NCCRP1: variants seen among roughly 807,000 people sequenced by gnomAD.
The protein encoded by NCCRP1 is F-box only protein 50.
In NCCRP1, 32 loss-of-function variants were observed where a neutral mutation model predicts 34.4. The ratio of observed to expected loss-of-function variants is 0.93; its 90% CI spans 0.70 to 1.25. NCCRP1 has a LOEUF of 1.25. Among genes scored for constraint, NCCRP1 ranks in the 50% most tolerant of loss-of-function variants. The pLI is 0.00. For synonymous variants in NCCRP1, 172 were observed against 180.1 expected, an observed-to-expected ratio of 0.95 and a Z score of 0.36; for missense variants, 372 against 391.8, an observed-to-expected ratio of 0.95 and a Z score of 0.43.
Position 39,197,281 on chromosome 19 carries a change from C to A in NCCRP1, c.299C>A (p.Pro100Gln). The change falls in exon 1 of 6, where the codon CCG becomes CAG. Residue 100 changes from proline to glutamine, a missense_variant. Coordinates refer to ENST00000339852, the MANE Select transcript of NCCRP1 (RefSeq NM_001001414.2). ...LTWKLLLLRRPLYRNLLRSPN... is the reference protein window; with the variant it reads ...LTWKLLLLRRQLYRNLLRSPN... The stretch of plus-strand genomic sequence containing the variant: ...TGGAAGCTGCTCCTGTTGCGGCGGC[C>A]GCTCTACCGCAACCTGCTGCGCTCG... 3 of 1,491,408 alleles carry A rather than the reference C, an allele frequency of 2.0e-6. No homozygotes were observed. Among genetic ancestry groups the A allele is most frequent in the South Asian group, 2.6e-5 (2 of 77,460 alleles). 92.4% of individuals were successfully genotyped at this position (1,491,408 alleles called of 1,614,324 possible).
At chr19:39,197,628 A>C (rs112726364) in intron 1 of NCCRP1, among the ~76,000 whole-genome samples, 24 of 152,070 alleles carry the variant, frequency 1.6e-4, no homozygotes, top group Admixed American at 1.4e-3. Context: ...CCAGGCTGGA[A>C]TGCAGTGGTG....
intron 4 of NCCRP1, 147 bp downstream of exon 4, chr19:39,199,412 C>G: frequency 1.6e-6 from 1 of 625,862 alleles, no homozygotes; most frequent in South Asian, 2.1e-5. Context: ...CTCCCTGGCC[C>G]CTTCTGTTTG....
intron 2 of NCCRP1, 34 bp from the exon 3 acceptor site, chr19:39,198,168 G>C (rs768293439): frequency 1.2e-6 from 2 of 1,614,034 alleles, no homozygotes; most frequent in Non-Finnish European, 1.7e-6. Context: ...CTCCAGCGTT[G>C]GGGTGTCCTA....
rs2074764898 is a variant in NCCRP1 at position 39,197,079 on chromosome 19, TCAC to T, written c.99_101del (p.Pro36del). ...GCTGCCTCCCTCGCCACGGTCGCCT[TCAC>T]CGCCGCCGTCGCCGCCACCACTGCC... On this transcript the variant is annotated inframe_deletion, in exon 1 of 6. Transcript: ENST00000339852. 2.6e-6 allele frequency: 4 copies of T among 1,529,438 alleles called. No individual in the cohort carries two copies. In the African/African-American group the frequency reaches 4.2e-5, roughly 16 times the overall value. 94.7% of individuals were successfully genotyped at this position (1,529,438 alleles called of 1,614,324 possible).
rs751499397 is a variant in NCCRP1, at chr19:39,200,338, G to A, written c.549-8G>A. The A allele has an allele frequency of 1.5e-4, 238 of 1,612,738 alleles. No homozygotes were observed. Among genetic ancestry groups the A allele is most frequent in the Non-Finnish European group, 1.8e-4 (218 of 1,179,866 alleles). ...AGTGACAGCTGAAGGCCTTGACTCCGCCTGCAGGTTCGAGGACAGCCGGCT... is the reference window on the plus strand; with the variant it reads ...AGTGACAGCTGAAGGCCTTGACTCCACCTGCAGGTTCGAGGACAGCCGGCT... On this transcript the variant is annotated splice_polypyrimidine_tract_variant and splice_region_variant and intron_variant, in intron 4 of 5. Transcript: ENST00000339852. The surrounding 1 kb of genome is among the most constrained non-coding windows in gnomAD (Gnocchi z 5.8).
In NCCRP1 at chr19:39,198,218, G is replaced by C; in HGVS notation, c.417G>C (p.Trp139Cys). Residue 139 changes from tryptophan to cysteine, a missense_variant, in exon 3 of 6, where the codon TGG (tryptophan) becomes TGC (cysteine). By Grantham distance (215) the Trp-to-Cys change is radical (BLOSUM62 -2). Coordinates refer to ENST00000339852, the MANE Select transcript of NCCRP1 (RefSeq NM_001001414.2). ...PLETLGNFRG[W>C]YIRTEKLQQN... ...AACCTGCAGGCAATTTCCGTGGCTG[G>C]TACATTAGAACTGAAAAGCTCCAGC... is the stretch of plus-strand genomic sequence containing the variant. 1 of 1,614,134 alleles carries C rather than the reference G, an allele frequency of 6.2e-7. No homozygotes were observed. The highest frequency in any genetic ancestry group is 8.5e-7 in the Non-Finnish European group (1 of 1,180,026).
At chr19:39,197,826 TGG>T (rs879519042) in intron 1 of NCCRP1, among the ~76,000 whole-genome samples, 5 of 152,140 alleles carry the variant, frequency 3.3e-5, no homozygotes, top group Non-Finnish European at 7.4e-5. Context: ...TCTCTTTCTC[TGG>T]GTTCTTCTCT....
intron 1 of NCCRP1, 24 bp from the exon 2 acceptor site, chr19:39,198,029 G>A: frequency 6.2e-7 from 1 of 1,612,136 alleles, no homozygotes; most frequent in Non-Finnish European, 8.5e-7. Context: ...CTGCCCAGAG[G>A]CTCCACTCAC....
intron 3 of NCCRP1, 70 bp downstream of exon 3, chr19:39,198,323 A>G: frequency 6.5e-7 from 1 of 1,536,244 alleles, no homozygotes; most frequent in Non-Finnish European, 9.0e-7. Flanking sequence ...TGAGACCTGG[A>G]GAAACTGACT....
chr19:39,198,394 T>C, intron 3 of NCCRP1, 141 bp downstream of exon 3: 1 of 908,912 alleles, frequency 1.1e-6, no homozygotes, highest in South Asian at 1.5e-5. Flanking sequence ...AGAGAATGCT[T>C]GTAAAACACA....
At position 39,200,551 on chromosome 19, in the gene NCCRP1, G is replaced by A; in HGVS notation, c.688-65G>A. The A allele has an allele frequency of 1.9e-6, 3 of 1,610,714 alleles. No homozygotes were observed. Among genetic ancestry groups the A allele is most frequent in the Non-Finnish European group, 2.5e-6 (3 of 1,178,402 alleles). ...TTCTTGTCCCAAGACCTCACAGAGG[G>A]AGGAGAACAGGTCCGCGGGTCCTCA... On this transcript the variant is annotated intron_variant, in intron 5 of 5. Coordinates refer to ENST00000339852, the MANE Select transcript of NCCRP1 (RefSeq NM_001001414.2). The surrounding 1 kb of genome is among the most constrained non-coding windows in gnomAD (Gnocchi z 5.8).
At chr19:39,199,509 CTTTTTTTTTTTTTT>C (rs150534648) in intron 4 of NCCRP1, among the ~76,000 whole-genome samples, 2,053 of 68,128 alleles carry the variant, frequency 0.03, 30 homozygotes, top group Non-Finnish European at 0.038. Flanking sequence ...TTTTTTCTTT[CTTTTTTTTTTTTTT>C]TTTTTTTTTT....
At position 39,197,056 on chromosome 19, in the gene NCCRP1, TG is replaced by T; in HGVS notation, c.75del (p.Pro26LeufsTer55). ...GATGGGCCCGCGAGCCTCCAGGAGCTGCCTCCCTCGCCACGGTCGCCTTCAC... is the reference window on the plus strand; with the variant it reads ...GATGGGCCCGCGAGCCTCCAGGAGCTCCTCCCTCGCCACGGTCGCCTTCAC... ...EADGPASLQE[L>X]PPSPRSPSPP... On this transcript the variant is annotated frameshift_variant, in exon 1 of 6. Coordinates refer to ENST00000339852, the MANE Select transcript of NCCRP1 (RefSeq NM_001001414.2). LOFTEE classifies it high-confidence loss of function. The T allele has an allele frequency of 6.5e-7, 1 of 1,531,810 alleles. No individual in the cohort carries two copies. Among genetic ancestry groups the T allele is most frequent in the South Asian group, 1.2e-5 (1 of 83,914 alleles). 94.9% of individuals were successfully genotyped at this position (1,531,810 alleles called of 1,614,324 possible).
chr19:39,200,292 G>C lies in NCCRP1; in HGVS notation c.549-54G>C. 1 of 1,601,860 alleles carries C rather than the reference G, an allele frequency of 6.2e-7. No individual in the cohort carries two copies. Among genetic ancestry groups the C allele is most frequent in the Non-Finnish European group, 8.5e-7 (1 of 1,174,304 alleles). The stretch of plus-strand genomic sequence containing the variant: ...GAATGGGGAATGGGGCCAGGGGCTG[G>C]GGCTGGGTAGCTGAGACTGCAGTGA... On this transcript the variant is annotated intron_variant, in intron 4 of 5. Transcript: ENST00000339852. The surrounding 1 kb of genome is among the most constrained non-coding windows in gnomAD (Gnocchi z 5.8).
chr19:39,198,214 G>T lies in NCCRP1; in HGVS notation c.413G>T (p.Gly138Val). ...RPLETLGNFR[G>V]WYIRTEKLQQ... ...CCCCAACCTGCAGGCAATTTCCGTG[G>T]CTGGTACATTAGAACTGAAAAGCTC... is the stretch of plus-strand genomic sequence containing the variant. The change falls in exon 3 of 6, where the codon GGC becomes GTC. Residue 138 changes from glycine (G) to valine (V), a missense_variant. Transcript: ENST00000339852. 6.2e-7 allele frequency: 1 copy of T among 1,614,158 alleles called. No homozygotes were observed. The highest frequency in any genetic ancestry group is 8.5e-7 in the Non-Finnish European group (1 of 1,180,046).
chr19:39,198,054 C>T lies in NCCRP1; in HGVS notation c.339C>T (p.Gly113=), dbSNP rs376922857. Residue 113 remains glycine (G), a splice_region_variant and synonymous_variant, in exon 2 of 6, where the codon GGC becomes GGT. Coordinates refer to ENST00000339852, the MANE Select transcript of NCCRP1 (RefSeq NM_001001414.2). Reference sequence around the variant, plus strand: ...GCTCCACTCACCTGTCCATTTCAGGCATCAACATTTATGAGCCAGCACCCC... The same window carrying T: ...GCTCCACTCACCTGTCCATTTCAGGTATCAACATTTATGAGCCAGCACCCC... ...RNLLRSPNPE[G]INIYEPAPPT... 6 of 1,613,458 alleles carry T rather than the reference C, an allele frequency of 3.7e-6. No individual in the cohort carries two copies. Among genetic ancestry groups the T allele is most frequent in the Non-Finnish European group, 4.2e-6 (5 of 1,179,934 alleles).
rs755253469 is a variant in NCCRP1, at chr19:39,200,499, G to A, written c.687+15G>A. The A allele has an allele frequency of 6.8e-6, 11 of 1,611,712 alleles. No homozygotes were observed. The highest frequency in any genetic ancestry group is 6.7e-5 in the East Asian group (3 of 44,858). ...GCTGGGTCCAGGTGAGACTCTCCGC[G>A]CCGGGGCCCTCAACCCCAGACGTGT... On this transcript the variant is annotated intron_variant, in intron 5 of 5. Transcript: ENST00000339852. The surrounding 1 kb of genome is among the most constrained non-coding windows in gnomAD (Gnocchi z 5.8).
In NCCRP1 at chr19:39,199,254, G is replaced by C. The variant is rs113841920; in HGVS notation, c.537G>C (p.Thr179=). 1.2e-6 allele frequency: 2 copies of C among 1,613,660 alleles called. No individual in the cohort carries two copies. The highest frequency in any genetic ancestry group is 8.5e-7 in the Non-Finnish European group (1 of 1,179,930). Residue 179 remains threonine (T), a synonymous_variant, in exon 4 of 6, where the codon ACG becomes ACC. Coordinates refer to ENST00000339852, the MANE Select transcript of NCCRP1 (RefSeq NM_001001414.2). Reference sequence around the variant, plus strand: ...TGGATGACGAACAACCAGCCATTACGGTCATGGACTGGTGCGTGCCCCTCC... The same window carrying C: ...TGGATGACGAACAACCAGCCATTACCGTCATGGACTGGTGCGTGCCCCTCC... The part of the protein sequence containing the change: ...ELLDDEQPAI[T]VMDWFEDSRL...
Position 39,198,121 on chromosome 19 carries a change from TG to T in NCCRP1, c.400+7del, listed in dbSNP as rs752240733. The T allele has an allele frequency of 6.2e-7, 1 of 1,614,180 alleles. No homozygotes were observed. Among genetic ancestry groups the T allele is most frequent in the Admixed American group, 1.7e-5 (1 of 60,016 alleles). On this transcript the variant is annotated splice_region_variant and intron_variant, in intron 2 of 5. Transcript: ENST00000339852. ...GCGACCCCTGGAAACTCTGGGTAAGTGCTTGGAGGGCCAGGTTGCTGAGGGT... is the reference window on the plus strand; with the variant it reads ...GCGACCCCTGGAAACTCTGGGTAAGTCTTGGAGGGCCAGGTTGCTGAGGGT...
Sources: gnomAD v4.1 joint callset for allele counts (sites outside exome capture counted in the v4.1 genomes callset) on GRCh38, gnomAD v4.1.1 for gene constraint, Gnocchi (gnomAD v3.1) non-coding constraint, MANE v1.5 for transcripts, NCBI Gene and HGNC (gene_info 2026-07-23, HGNC 2026-07-21) for gene names.